The following RASGRP1 variants were observed in gnomAD, a reference collection of about 807,000 sequenced individuals.
RASGRP1 encodes the protein RAS guanyl-releasing protein 1.
In RASGRP1, 37 loss-of-function variants were observed where a neutral mutation model predicts 95.1. The observed-to-expected ratio is 0.39, with a 90% CI of 0.30 to 0.51. The LOEUF (loss-of-function observed/expected upper bound fraction) is 0.51, where lower values mean the gene tolerates loss of function less well. RASGRP1 is among the 20% of genes least tolerant of loss of function. The pLI, the probability that RASGRP1 is intolerant of heterozygous loss-of-function variation, is 0.80. For missense variants in RASGRP1, 711 were observed against 965.4 expected (o/e 0.74, Z 3.49); for synonymous variants, 325 against 353.4 (o/e 0.92, Z 0.90).
At chr15:38,511,903 C>A (rs6495977) in intron 7 of RASGRP1, among the ~76,000 whole-genome samples, 183 bp from the exon 8 acceptor site, 94,906 of 151,946 alleles carry the variant, frequency 0.62, 29,787 homozygotes, top group South Asian at 0.78. Context: ...GTGGATTCCA[C>A]ATCTGGGAGG....
intron 2 of RASGRP1, among the ~76,000 whole-genome samples, chr15:38,555,066 T>C (rs1389413697): frequency 6.6e-6 from 1 of 152,208 alleles, no homozygotes; most frequent in Non-Finnish European, 1.5e-5. Context: ...AGTTGCAGAG[T>C]GGTAAGAAAT....
intron 8 of RASGRP1, 63 bp downstream of exon 8, chr15:38,511,541 G>T: frequency 7.5e-7 from 1 of 1,326,756 alleles, no homozygotes; most frequent in Non-Finnish European, 1.1e-6. Context: ...CCACCAAGGA[G>T]AAAATGTTGG....
chr15:38,496,424 T>C (rs535053734), intron 15 of RASGRP1, among the ~76,000 whole-genome samples: 1 of 152,294 alleles, frequency 6.6e-6, no homozygotes, highest in African/African-American at 2.4e-5. Context: ...CAACTGCCCC[T>C]TCAGGGATTC....
At chr15:38,495,190 C>G (rs1890750650) in intron 15 of RASGRP1, among the ~76,000 whole-genome samples, 1 of 152,170 alleles carries the variant, frequency 6.6e-6, no homozygotes, top group Non-Finnish European at 1.5e-5. Flanking sequence ...CAGACACCCT[C>G]TAGCAGGTAA....
chr15:38,495,106 C>A (rs1470781184), intron 15 of RASGRP1, among the ~76,000 whole-genome samples: 1 of 152,184 alleles, frequency 6.6e-6, no homozygotes, highest in African/African-American at 2.4e-5. Context: ...AATATCTAGA[C>A]AGAAATGCTC....
At chr15:38,513,922 A>G (rs979738716) in intron 6 of RASGRP1, among the ~76,000 whole-genome samples, 1 of 152,210 alleles carries the variant, frequency 6.6e-6, no homozygotes, top group Non-Finnish European at 1.5e-5. Context: ...GGAGGCAAAG[A>G]TGTAAGAGCC....
rs1187947832 is a variant in RASGRP1 at position 38,519,303 on chromosome 15, C to T, written c.389+6G>A. Reference sequence around the variant, plus strand: ...CAAAGTCTTGAAATACATAAAGAAACATTACCTTACAAAATAACAGATCTT... The same window carrying T: ...CAAAGTCTTGAAATACATAAAGAAATATTACCTTACAAAATAACAGATCTT... On this transcript the variant is annotated splice_donor_region_variant and intron_variant, in intron 4 of 16. Coordinates refer to ENST00000310803, the MANE Select transcript of RASGRP1 (RefSeq NM_005739.4). 5 of 1,521,472 alleles carry T rather than the reference C, an allele frequency of 3.3e-6. No individual in the cohort carries two copies. The highest frequency in any genetic ancestry group is 4.6e-6 in the Non-Finnish European group (5 of 1,097,322). The allele number at this position is 1,521,472 out of a possible 1,614,324, so 94.2% of individuals were successfully genotyped here.
At position 38,557,072 on chromosome 15, in the gene RASGRP1, A is replaced by G. The variant is rs76332443; in HGVS notation, c.220+2749T>C. On this transcript the variant is annotated intron_variant, in intron 2 of 16. Coordinates refer to ENST00000310803, the MANE Select transcript of RASGRP1 (RefSeq NM_005739.4). ...TCTAAAGCACCACTTTTCTCTACAA[A>G]CCTGAGAAACTAACCAGTAAGGTAA... 4.0e-4 allele frequency among the ~76,000 whole-genome samples: 61 copies of G among 152,292 alleles called. No individual in the cohort carries two copies. In the East Asian group the frequency reaches 0.011, roughly 27 times the overall value.
At chr15:38,524,143 T>C (rs1190526752) in intron 3 of RASGRP1, 1 of 152,082 alleles carries the variant, frequency 6.6e-6, no homozygotes, top group Non-Finnish European at 1.5e-5. Flanking sequence ...CCCAGTACTT[T>C]GGGAGGCTGA....
chr15:38,562,571 A>G (rs1320147876), intron 1 of RASGRP1, among the ~76,000 whole-genome samples: 1 of 152,236 alleles, frequency 6.6e-6, no homozygotes, highest in Non-Finnish European at 1.5e-5. Context: ...ACCTCCACCA[A>G]AGGCAGAGTA....
In RASGRP1 at chr15:38,505,750, A is replaced by G. The variant is rs75401585; in HGVS notation, c.1323+90T>C. 6.0e-5 allele frequency: 62 copies of G among 1,034,412 alleles called. No individual in the cohort carries two copies. The African/African-American group carries it at 9.3e-4, about 16-fold the overall frequency. The allele number at this position is 1,034,412 out of a possible 1,614,324, so 64.1% of individuals were successfully genotyped here. The stretch of plus-strand genomic sequence containing the variant: ...GAAAAACAGTACATGTATTAAACTG[A>G]ACTGAAAGTCTGTTCCTGAGGATGA... On this transcript the variant is annotated intron_variant, in intron 10 of 16. Coordinates refer to ENST00000310803, the MANE Select transcript of RASGRP1 (RefSeq NM_005739.4).
intron 2 of RASGRP1, among the ~76,000 whole-genome samples, chr15:38,539,617 A>T (rs890259451): frequency 6.6e-6 from 1 of 151,724 alleles, no homozygotes. Flanking sequence ...CATGTGCACA[A>T]TGTGCAGGTT....
intron 3 of RASGRP1, among the ~76,000 whole-genome samples, chr15:38,523,836 C>G (rs1892089609): frequency 6.6e-6 from 1 of 152,194 alleles, no homozygotes; most frequent in African/African-American, 2.4e-5. Flanking sequence ...CTAGGAGCAA[C>G]AGGCTGTACC....
At chr15:38,510,820 G>T (rs1249941376) in intron 8 of RASGRP1, among the ~76,000 whole-genome samples, 1 of 152,104 alleles carries the variant, frequency 6.6e-6, no homozygotes, top group Non-Finnish European at 1.5e-5. Context: ...AAATAGCTGG[G>T]CATAATGGTG....
At chr15:38,493,384 G>A (rs1298455528) in intron 16 of RASGRP1, among the ~76,000 whole-genome samples, 4 of 151,526 alleles carry the variant, frequency 2.6e-5, no homozygotes, top group Non-Finnish European at 5.9e-5. Flanking sequence ...CACCACGTTG[G>A]CCAGGCTGCT....
intron 2 of RASGRP1, among the ~76,000 whole-genome samples, chr15:38,532,475 T>A (rs571545410): frequency 6.6e-6 from 1 of 152,316 alleles, no homozygotes; most frequent in East Asian, 1.9e-4. Flanking sequence ...TGGAGAGTCA[T>A]CTGTCTCTGG....
At chr15:38,546,580 G>C (rs140891202) in intron 2 of RASGRP1, among the ~76,000 whole-genome samples, 4 of 152,134 alleles carry the variant, frequency 2.6e-5, no homozygotes, top group African/African-American at 7.2e-5. Flanking sequence ...TCCAGGGGAA[G>C]TATCTACTAA....
At position 38,516,324 on chromosome 15, in the gene RASGRP1, A is replaced by G; in HGVS notation, c.548T>C (p.Leu183Pro). 1 of 1,611,164 alleles carries G rather than the reference A, an allele frequency of 6.2e-7. No homozygotes were observed. Among genetic ancestry groups the G allele is most frequent in the Non-Finnish European group, 8.5e-7 (1 of 1,177,402 alleles). Residue 183 changes from leucine to proline, a missense_variant, in exon 6 of 17, where the codon CTT becomes CCT. By Grantham distance (98) the Leu-to-Pro change is moderately conservative (BLOSUM62 -3). Transcript: ENST00000310803. Reference sequence around the variant, plus strand: ...GGTATTTGATTTTATCCTTTGAGTAAGTTTCCTGGACCAGTCACGGGCATT... The same window carrying G: ...GGTATTTGATTTTATCCTTTGAGTAGGTTTCCTGGACCAGTCACGGGCATT... ...QINARDWSRK[L>P]TQRIKSNTSK...
At chr15:38,543,561 C>CT (rs1312763434) in intron 2 of RASGRP1, among the ~76,000 whole-genome samples, 1,578 of 60,620 alleles carry the variant, frequency 0.026, 53 homozygotes, top group East Asian at 0.067. Flanking sequence ...AAACTCTAGT[C>CT]TTTTTTTTTT....
Sources: allele counts gnomAD v4.1 joint callset (sites outside exome capture counted in the v4.1 genomes callset), GRCh38; gene constraint gnomAD v4.1.1; transcripts MANE v1.5; gene names NCBI Gene and HGNC (gene_info 2026-07-23, HGNC 2026-07-21).